Variants in JAZF1 observed in about 807,000 individuals in gnomAD.
JAZF1 encodes the protein juxtaposed with another zinc finger protein 1.
Under a neutral mutation model 26.4 loss-of-function variants are expected in JAZF1, and 8 were observed. The ratio of observed to expected loss-of-function variants is 0.30; its 90% confidence interval spans 0.18 to 0.55. JAZF1 has a LOEUF of 0.55. JAZF1 is among the 20% of genes least tolerant of loss of function. JAZF1 has a pLI of 0.94. For missense variants in JAZF1, 199 were observed against 322.0 expected, an observed-to-expected ratio of 0.62 and a Z score of 2.92; for synonymous variants, 126 against 122.3, an observed-to-expected ratio of 1.03 and a Z score of -0.20.
chr7:27,998,769 A>G (rs1786074014), intron 1 of JAZF1, among the ~76,000 whole-genome samples: 1 of 152,234 alleles, frequency 6.6e-6, no homozygotes, highest in Non-Finnish European at 1.5e-5. Flanking sequence ...TTTTCCTGCC[A>G]CAAGTGAATG....
At chr7:27,926,341 C>G (rs1784600650) in intron 2 of JAZF1, among the ~76,000 whole-genome samples, 1 of 152,180 alleles carries the variant, frequency 6.6e-6, no homozygotes, top group Admixed American at 6.5e-5. Context: ...CAGGACATAC[C>G]TTCAACAGCA....
intron 2 of JAZF1, among the ~76,000 whole-genome samples, chr7:27,946,373 C>A (rs1007769362): frequency 6.6e-6 from 1 of 152,158 alleles, no homozygotes; most frequent in South Asian, 2.1e-4. Context: ...CTATCTAATA[C>A]GCAATCTGAA....
intron 3 of JAZF1, among the ~76,000 whole-genome samples, chr7:27,861,926 T>G (rs1462717040): frequency 6.6e-6 from 1 of 152,228 alleles, no homozygotes; most frequent in Non-Finnish European, 1.5e-5. Flanking sequence ...CCACTCAGGA[T>G]GGAGTCTCTT....
intron 1 of JAZF1, among the ~76,000 whole-genome samples, chr7:28,143,066 A>G (rs1782980971): frequency 6.6e-6 from 1 of 152,178 alleles, no homozygotes; most frequent in Non-Finnish European, 1.5e-5. Context: ...AGTCTCTGAG[A>G]GAGAGAATGA....
intron 2 of JAZF1, among the ~76,000 whole-genome samples, chr7:27,968,778 C>A (rs1785321391): frequency 6.6e-6 from 1 of 152,096 alleles, no homozygotes; most frequent in South Asian, 2.1e-4. Flanking sequence ...GAGAACTGTA[C>A]ATCACTGAAT....
chr7:28,021,567 G>A (rs752237930), intron 1 of JAZF1, among the ~76,000 whole-genome samples: 9 of 152,170 alleles, frequency 5.9e-5, no homozygotes, highest in Non-Finnish European at 1.3e-4. Context: ...GGCCGCCACC[G>A]CCTGTGGAAG....
rs541429223 is a variant in JAZF1, at chr7:28,143,668, T to C, written c.115+36795A>G. ...AGACGGATGGACCTACGCCCAGTCT[T>C]TGGAGCTATAGACAGATCCTTTAAG... On this transcript the variant is annotated intron_variant, in intron 1 of 4. Coordinates refer to ENST00000283928, the MANE Select transcript of JAZF1 (RefSeq NM_175061.4). 9.8e-5 allele frequency among the ~76,000 whole-genome samples: 15 copies of C among 152,352 alleles called. No homozygotes were observed. In the South Asian group the frequency reaches 2.9e-3, roughly 29 times the overall value.
chr7:28,134,810 T>C (rs1434388229), intron 1 of JAZF1, among the ~76,000 whole-genome samples: 3 of 152,204 alleles, frequency 2.0e-5, no homozygotes, highest in Admixed American at 1.3e-4. Context: ...TTTTACACTA[T>C]CATTTATAAT....
chr7:28,074,181 C>T (rs894374805), intron 1 of JAZF1, among the ~76,000 whole-genome samples: 1 of 152,090 alleles, frequency 6.6e-6, no homozygotes, highest in Non-Finnish European at 1.5e-5. Flanking sequence ...AATTAATTTG[C>T]CCCAAATAAG....
At chr7:28,180,256 G>A (rs1583602851) in intron 1 of JAZF1, 1 of 115,116 alleles carries the variant, frequency 8.7e-6, no homozygotes, top group African/African-American at 3.3e-5. Flanking sequence ...ACCTCGGGGC[G>A]CCCGCCCCCT....
chr7:27,851,960 G>A (rs962900422), intron 3 of JAZF1, among the ~76,000 whole-genome samples: 1 of 151,342 alleles, frequency 6.6e-6, no homozygotes, highest in Non-Finnish European at 1.5e-5. Context: ...CTGATGCCTG[G>A]GGGTTCTGAG....
chr7:28,042,527 C>T (rs1011087977), intron 1 of JAZF1, among the ~76,000 whole-genome samples: 2 of 152,106 alleles, frequency 1.3e-5, no homozygotes, highest in African/African-American at 4.8e-5. Context: ...ATGTTAAAAA[C>T]CAAAGTAACA....
chr7:28,101,313 AG>A (rs1784468146), intron 1 of JAZF1, among the ~76,000 whole-genome samples: 4 of 152,200 alleles, frequency 2.6e-5, no homozygotes, highest in Admixed American at 6.5e-5. Flanking sequence ...CCTCCATCAC[AG>A]ACACACAGTT....
chr7:28,094,362 G>C (rs1434381253), intron 1 of JAZF1, among the ~76,000 whole-genome samples: 2 of 152,138 alleles, frequency 1.3e-5, no homozygotes, highest in African/African-American at 4.8e-5. Flanking sequence ...CAAGGAACAA[G>C]ACAGAAACCA....
chr7:28,120,531 CAG>C (rs113305111), intron 1 of JAZF1, among the ~76,000 whole-genome samples: 25,176 of 49,006 alleles, frequency 0.51, 4,258 homozygotes, highest in East Asian at 0.71. Flanking sequence ...TTTTTTGAGA[CAG>C]AGTCTCGCTC....
chr7:27,926,223 C>T (rs1196369845), intron 2 of JAZF1, among the ~76,000 whole-genome samples: 1 of 152,116 alleles, frequency 6.6e-6, no homozygotes, highest in Non-Finnish European at 1.5e-5. Context: ...GCTGAGAGTA[C>T]AATTATGAAA....
intron 3 of JAZF1, among the ~76,000 whole-genome samples, chr7:27,861,081 G>A (rs1207009443): frequency 6.6e-6 from 1 of 152,156 alleles, no homozygotes; most frequent in Non-Finnish European, 1.5e-5. Context: ...GGTCATGGGA[G>A]GTAAAATCTG....
At chr7:27,857,188 G>C (rs1039376609) in intron 3 of JAZF1, among the ~76,000 whole-genome samples, 6 of 152,222 alleles carry the variant, frequency 3.9e-5, no homozygotes, top group Non-Finnish European at 7.4e-5. Context: ...TGCAGGTCCC[G>C]AGCCCTGTTC....
At chr7:28,075,182 T>C (rs1784031814) in intron 1 of JAZF1, among the ~76,000 whole-genome samples, 1 of 152,172 alleles carries the variant, frequency 6.6e-6, no homozygotes. Context: ...GGGTATAAAG[T>C]AAGTGTAACA....
Sources: gnomAD v4.1 joint callset for allele counts (sites outside exome capture counted in the v4.1 genomes callset) on GRCh38, gnomAD v4.1.1 for gene constraint, MANE v1.5 for transcripts, NCBI Gene and HGNC (gene_info 2026-07-23, HGNC 2026-07-21) for gene names.